KDELR3: variants seen among roughly 807,000 people sequenced by gnomAD.
KDELR3 encodes the protein KDEL endoplasmic reticulum protein retention receptor 3.
KDELR3 carries 26 observed loss-of-function variants against 22.7 expected under a neutral mutation model. The ratio of observed to expected loss-of-function variants is 1.15; its 90% confidence interval spans 0.84 to 1.59. KDELR3 has a LOEUF of 1.59. Ranked by LOEUF, KDELR3 falls within the 40% of genes most tolerant of loss-of-function variation. KDELR3 has a pLI of 0.00. For missense variants in KDELR3, 289 were observed against 251.1 expected (o/e 1.15, Z -1.02); for synonymous variants, 120 against 98.2 (o/e 1.22, Z -1.31).
intron 2 of KDELR3, among the ~76,000 whole-genome samples, chr22:38,478,921 G>A (rs1422113105): frequency 2.0e-5 from 3 of 152,010 alleles, no homozygotes; most frequent in Non-Finnish European, 4.4e-5. Flanking sequence ...GGGATTACAG[G>A]TGTGAGCCTC....
At chr22:38,474,756 G>T in intron 2 of KDELR3, 133 bp downstream of exon 2, 1 of 685,720 alleles carries the variant, frequency 1.5e-6, no homozygotes, top group Non-Finnish European at 2.6e-6. Context: ...CTTAGTGGCT[G>T]CAAGACCTCA....
chr22:38,481,376 T>C lies in KDELR3; in HGVS notation c.516T>C (p.Thr172=), dbSNP rs1486687027. 1 of 1,614,150 alleles carries C rather than the reference T, an allele frequency of 6.2e-7. No homozygotes were observed. Among genetic ancestry groups the C allele is most frequent in the South Asian group, 1.1e-5 (1 of 91,084 alleles). The change falls in exon 4 of 5, where the codon ACT becomes ACC. Residue 172 remains threonine (T), a synonymous_variant. Coordinates refer to ENST00000216014, the MANE Select transcript of KDELR3 (RefSeq NM_006855.4). ...YLANWIRRYQ[T]ENFYDQIAVV... ...CTAACTGGATCAGGCGGTACCAGAC[T>C]GAGAATTTCTATGACCAAATTGCAG...
intron 3 of KDELR3, 42 bp from the exon 4 acceptor site, chr22:38,481,170 C>A: frequency 6.5e-7 from 1 of 1,541,276 alleles, no homozygotes; most frequent in Non-Finnish European, 8.8e-7. Flanking sequence ...TGGGCCTCTT[C>A]TTGGTCTTGC....
Position 38,481,460 on chromosome 22 carries a change from CA to C in KDELR3, c.603del (p.Val202SerfsTer7). The C allele has an allele frequency of 6.2e-7, 1 of 1,614,088 alleles. No homozygotes were observed. On this transcript the variant is annotated frameshift_variant, in exon 4 of 5. Coordinates refer to ENST00000216014, the MANE Select transcript of KDELR3 (RefSeq NM_006855.4). LOFTEE classifies it high-confidence loss of function. ...YCDFFYLYVT[K>X]VLKGKKLSLP... ...GTGACTTCTTCTACTTGTATGTGAC[CA>C]AAGGTAGGTCCTGGGATGACAGCAA...
chr22:38,468,284 C>G lies in KDELR3; in HGVS notation c.51C>G (p.Ile17Met). Reference sequence around the variant, plus strand: ...ACCTGAGCCACCTCCTGGCCATGATCTTGCTGCTGGGGAAGATCTGGAGGT... The same window carrying G: ...ACCTGAGCCACCTCCTGGCCATGATGTTGCTGCTGGGGAAGATCTGGAGGT... ...LGDLSHLLAM[I>M]LLLGKIWRSK... Residue 17 changes from isoleucine to methionine, a missense_variant, in exon 1 of 5, where the codon ATC becomes ATG. By Grantham distance (10) the Ile-to-Met change is conservative. Transcript: ENST00000216014. 6.2e-7 allele frequency: 1 copy of G among 1,613,888 alleles called. No individual in the cohort carries two copies. The highest frequency in any genetic ancestry group is 8.5e-7 in the Non-Finnish European group (1 of 1,179,942).
Position 38,483,260 on chromosome 22 carries a change from T to TA in KDELR3, c.*725dup, listed in dbSNP as rs1209495797. ...ATACAGATATATCCAAACCCTTACCTACTAGGTATCCTGCTAGGGTTTTCA... is the reference window on the plus strand; with the variant it reads ...ATACAGATATATCCAAACCCTTACCTAACTAGGTATCCTGCTAGGGTTTTCA... On this transcript the variant is annotated 3_prime_UTR_variant, in exon 5 of 5. Transcript: ENST00000216014. 2 of 152,238 alleles carry TA rather than the reference T, an allele frequency of 1.3e-5. No homozygotes were observed. Among genetic ancestry groups the TA allele is most frequent in the Non-Finnish European group, 2.9e-5 (2 of 68,054 alleles). The allele number at this position is 152,238 out of a possible 1,614,324, so 9.4% of individuals were successfully genotyped here. A position where few individuals can be genotyped will look rare whatever the true frequency, so the allele number is the denominator to read the frequency against.
intron 2 of KDELR3, among the ~76,000 whole-genome samples, chr22:38,474,936 C>T (rs966213091): frequency 6.8e-4 from 103 of 151,328 alleles, no homozygotes; most frequent in African/African-American, 1.9e-3. Context: ...AAAAATTAGC[C>T]GGGCGTGGTG....
Position 38,479,765 on chromosome 22 carries a change from C to T in KDELR3, c.351+14C>T. ...ACTCTGCTGGAGGTAAGGGAATGGA[C>T]TGAGTACCAGTTCTCAAAGGGAAAT... On this transcript the variant is annotated intron_variant, in intron 3 of 4. Coordinates refer to ENST00000216014, the MANE Select transcript of KDELR3 (RefSeq NM_006855.4). 1.2e-6 allele frequency: 2 copies of T among 1,613,586 alleles called. No homozygotes were observed. Among genetic ancestry groups the T allele is most frequent in the Non-Finnish European group, 1.7e-6 (2 of 1,179,522 alleles).
At chr22:38,471,646 G>A (rs2089525819) in intron 1 of KDELR3, among the ~76,000 whole-genome samples, 1 of 152,168 alleles carries the variant, frequency 6.6e-6, no homozygotes, top group South Asian at 2.1e-4. Context: ...GGGACTTCAG[G>A]GGTGTTCCTT....
At chr22:38,478,923 G>A (rs926492928) in intron 2 of KDELR3, among the ~76,000 whole-genome samples, 4 of 152,038 alleles carry the variant, frequency 2.6e-5, no homozygotes, top group African/African-American at 7.2e-5. Flanking sequence ...GATTACAGGT[G>A]TGAGCCTCCA....
At chr22:38,481,173 G>T in intron 3 of KDELR3, 39 bp from the exon 4 acceptor site, 1 of 1,546,138 alleles carries the variant, frequency 6.5e-7, no homozygotes, top group Non-Finnish European at 8.8e-7. Context: ...GCCTCTTCTT[G>T]GTCTTGCTCA....
intron 3 of KDELR3, among the ~76,000 whole-genome samples, chr22:38,480,881 T>C (rs578164875): frequency 7.5e-4 from 113 of 150,636 alleles, no homozygotes; most frequent in Admixed American, 1.5e-3. Context: ...CAGCAAGCTA[T>C]GATCATGCCA....
At chr22:38,470,287 C>G (rs2089517195) in intron 1 of KDELR3, among the ~76,000 whole-genome samples, 1 of 151,888 alleles carries the variant, frequency 6.6e-6, no homozygotes, top group Non-Finnish European at 1.5e-5. Context: ...TCACACTCAG[C>G]TAATTTTTGT....
At chr22:38,482,044 T>G (rs2089606974) in intron 4 of KDELR3, among the ~76,000 whole-genome samples, 1 of 152,046 alleles carries the variant, frequency 6.6e-6, no homozygotes, top group Non-Finnish European at 1.5e-5. Flanking sequence ...TAGGCCAGGG[T>G]AAGGGGCTTG....
intron 1 of KDELR3, chr22:38,474,235 C>T (rs2089543134): frequency 2.6e-5 from 8 of 304,868 alleles, no homozygotes; most frequent in Admixed American, 2.4e-4. Flanking sequence ...CTCCCCAGAG[C>T]AAGAGCCCAG....
chr22:38,470,738 C>T lies in KDELR3; in HGVS notation c.91+2414C>T, dbSNP rs574214668. Among the ~76,000 whole-genome samples, 7 of 152,242 alleles carry T rather than the reference C, an allele frequency of 4.6e-5. No homozygotes were observed. In the East Asian group the frequency reaches 7.7e-4, roughly 17 times the overall value. ...GGGTCCACCTATGCTTAGTGGACCC[C>T]GGAGGGACTCTGGCCAGTCCAGGCT... On this transcript the variant is annotated intron_variant, in intron 1 of 4. Coordinates refer to ENST00000216014, the MANE Select transcript of KDELR3 (RefSeq NM_006855.4).
At chr22:38,469,991 T>C (rs910100244) in intron 1 of KDELR3, among the ~76,000 whole-genome samples, 8 of 151,824 alleles carry the variant, frequency 5.3e-5, no homozygotes, top group African/African-American at 1.9e-4. Flanking sequence ...GGCTAATTTT[T>C]GTATTTTTAG....
chr22:38,481,346 C>T lies in KDELR3; in HGVS notation c.486C>T (p.Tyr162=), dbSNP rs1295050525. ...LFFLGLYRAL[Y]LANWIRRYQT... ...TTCTGGGTCTGTACCGGGCACTCTA[C>T]CTGGCTAACTGGATCAGGCGGTACC... is the stretch of plus-strand genomic sequence containing the variant. The change falls in exon 4 of 5, where the codon TAC becomes TAT. Residue 162 remains tyrosine, a synonymous_variant. Coordinates refer to ENST00000216014, the MANE Select transcript of KDELR3 (RefSeq NM_006855.4). The T allele has an allele frequency of 6.2e-7, 1 of 1,614,170 alleles. No individual in the cohort carries two copies.
Position 38,479,619 on chromosome 22 carries a change from T to G in KDELR3, c.219T>G (p.Val73=). The G allele has an allele frequency of 6.2e-7, 1 of 1,614,016 alleles. No homozygotes were observed. Among genetic ancestry groups the G allele is most frequent in the South Asian group, 1.1e-5 (1 of 91,086 alleles). ...TGGTTTTTCTCCTCTGTGCCTATGT[T>G]ACAGTGTACATGATATATGGGAAAT... The part of the protein sequence containing the change: ...MKVVFLLCAY[V]TVYMIYGKFR... Residue 73 remains valine, a synonymous_variant, in exon 3 of 5, where the codon GTT becomes GTG. Coordinates refer to ENST00000216014, the MANE Select transcript of KDELR3 (RefSeq NM_006855.4).
Sources: gnomAD v4.1 joint callset for allele counts (sites outside exome capture counted in the v4.1 genomes callset) on GRCh38, gnomAD v4.1.1 for gene constraint, MANE v1.5 for transcripts, NCBI Gene and HGNC (gene_info 2026-07-23, HGNC 2026-07-21) for gene names.